DNAH5: variants seen among roughly 807,000 people sequenced by gnomAD.
The protein encoded by DNAH5 is axonemal beta dynein heavy chain 5.
A neutral mutation model predicts 518.2 loss-of-function variants in DNAH5; 372 were observed. The observed-to-expected ratio is 0.72, with a 90% CI of 0.66 to 0.78. The LOEUF (loss-of-function observed/expected upper bound fraction) is 0.78, where lower values mean the gene tolerates loss of function less well. Among genes scored for constraint, DNAH5 ranks in the 30% least tolerant of loss-of-function variants. DNAH5 has a pLI of 0.00. For synonymous variants in DNAH5, 2,039 were observed against 2,025.9 expected (o/e 1.01, Z -0.17); for missense variants, 5,523 against 5,687.0 (o/e 0.97, Z 0.93).
chr5:13,719,927 G>A (rs1744819310), intron 71 of DNAH5, among the ~76,000 whole-genome samples: 2 of 152,068 alleles, frequency 1.3e-5, no homozygotes, highest in Non-Finnish European at 1.5e-5. Flanking sequence ...GAAGGTCTTC[G>A]TGTAATGCAA....
Position 13,874,840 on chromosome 5 carries a change from TTG to T in DNAH5, c.3396+1842_3396+1843del, listed in dbSNP as rs368154580. ...CCTCAGCTCATCCTTTTAAGCCAGG[TTG>T]TGTTAGAAGTTGATGACCAACCTAT... On this transcript the variant is annotated intron_variant, in intron 22 of 78. Coordinates refer to ENST00000265104, the MANE Select transcript of DNAH5 (RefSeq NM_001369.3). Among the ~76,000 whole-genome samples the T allele has an allele frequency of 1.7e-3, 263 of 152,212 alleles. 3 individuals carry two copies. Among genetic ancestry groups the T allele is most frequent in the South Asian group, 4.6e-3 (22 of 4,824 alleles).
intron 72 of DNAH5, among the ~76,000 whole-genome samples, chr5:13,718,593 A>G (rs1461304404): frequency 6.6e-6 from 1 of 152,152 alleles, no homozygotes; most frequent in Non-Finnish European, 1.5e-5. Context: ...TAAAGACCAT[A>G]AATGACAAAA....
chr5:13,845,011 A>T lies in DNAH5; in HGVS notation c.5115-18T>A. ...CCAAGTACCTACAAGGAGAGGAAAAACATAAACCTTTATAACCACACAAAG... is the reference window on the plus strand; with the variant it reads ...CCAAGTACCTACAAGGAGAGGAAAATCATAAACCTTTATAACCACACAAAG... On this transcript the variant is annotated intron_variant, in intron 31 of 78. Coordinates refer to ENST00000265104, the MANE Select transcript of DNAH5 (RefSeq NM_001369.3). 1 of 1,612,678 alleles carries T rather than the reference A, an allele frequency of 6.2e-7. No individual in the cohort carries two copies. The highest frequency in any genetic ancestry group is 8.5e-7 in the Non-Finnish European group (1 of 1,178,776).
chr5:13,801,751 T>C (rs951754463), intron 47 of DNAH5, among the ~76,000 whole-genome samples: 2 of 152,192 alleles, frequency 1.3e-5, no homozygotes, highest in African/African-American at 4.8e-5. Flanking sequence ...CAGGGAACTC[T>C]ATGGTACCCA....
Position 13,716,925 on chromosome 5 carries a change from C to T in DNAH5, c.12706-235G>A, listed in dbSNP as rs548129038. Among the ~76,000 whole-genome samples, 188 of 152,186 alleles carry T rather than the reference C, an allele frequency of 1.2e-3. 2 individuals are homozygous for T. The highest frequency in any genetic ancestry group is 4.2e-3 in the African/African-American group (176 of 41,526). On this transcript the variant is annotated intron_variant, in intron 73 of 78. Transcript: ENST00000265104. ...GATGCATTCGTATGTTTTCATACTT[C>T]AATATAAATAGAAAATAGTGTTTGC... is the stretch of plus-strand genomic sequence containing the variant.
chr5:13,705,237 G>A (rs1326755881), intron 76 of DNAH5, among the ~76,000 whole-genome samples: 2 of 152,008 alleles, frequency 1.3e-5, no homozygotes, highest in East Asian at 1.9e-4. Context: ...CTTGTGATCC[G>A]CCTGCCTTGG....
chr5:13,879,152 TAC>T (rs1771295948), intron 21 of DNAH5, among the ~76,000 whole-genome samples: 1 of 152,084 alleles, frequency 6.6e-6, no homozygotes, highest in African/African-American at 2.4e-5. Context: ...TCTTTTATAA[TAC>T]ACAGAAACCA....
chr5:13,792,242 T>G, intron 49 of DNAH5, 25 bp from the exon 50 acceptor site: 3 of 1,582,758 alleles, frequency 1.9e-6, no homozygotes, highest in Non-Finnish European at 1.7e-6. Context: ...ATTACAGCAT[T>G]TTGATTAGCC....
chr5:13,722,166 A>G (rs1254690188), intron 70 of DNAH5, among the ~76,000 whole-genome samples: 2 of 152,204 alleles, frequency 1.3e-5, no homozygotes, highest in Admixed American at 6.5e-5. Context: ...CCCCACTCCA[A>G]TTCCCGGAGA....
chr5:13,858,519 T>A (rs1299004911), intron 30 of DNAH5, among the ~76,000 whole-genome samples: 1 of 152,162 alleles, frequency 6.6e-6, no homozygotes, highest in Non-Finnish European at 1.5e-5. Context: ...TATTCCTATG[T>A]AACAAACCTG....
rs1472215759 is a variant in DNAH5 at position 13,753,340 on chromosome 5, G to T, written c.10765C>A (p.Gln3589Lys). Reference sequence around the variant, plus strand: ...GCCTTCGTGACAATAATTCCATTTTGAATGGACAAGTCATCATTTGGCAGA... The same window carrying T: ...GCCTTCGTGACAATAATTCCATTTTTAATGGACAAGTCATCATTTGGCAGA... The part of the protein sequence containing the change: ...QGLPNDDLSI[Q>K]NGIIVTKASR... The change falls in exon 63 of 79, where the codon CAA (glutamine) becomes AAA (lysine). Residue 3589 changes from glutamine (Q) to lysine (K), a missense_variant. Around this residue, in one of 3 missense-constraint regions of DNAH5, gnomAD observed 5,121 missense variants for 5,223.3 expected, o/e 0.98. Transcript: ENST00000265104. The T allele has an allele frequency of 1.9e-6, 3 of 1,613,642 alleles. No homozygotes were observed. Among genetic ancestry groups the T allele is most frequent in the Non-Finnish European group, 2.5e-6 (3 of 1,179,618 alleles).
intron 29 of DNAH5, chr5:13,860,295 T>C (rs902179268): frequency 6.6e-6 from 1 of 152,614 alleles, no homozygotes; most frequent in African/African-American, 2.4e-5. Flanking sequence ...ATTTCCCAGC[T>C]TCCCTTTGCA....
chr5:13,927,309 T>C (rs1180102042), intron 3 of DNAH5, among the ~76,000 whole-genome samples: 1 of 152,066 alleles, frequency 6.6e-6, no homozygotes, highest in African/African-American at 2.4e-5. Flanking sequence ...CTAGCCAACA[T>C]GCTGAAACCC....
In DNAH5 at chr5:13,754,899, G is replaced by T. The variant is rs576950465; in HGVS notation, c.10420-561C>A. Among the ~76,000 whole-genome samples, 7 of 151,956 alleles carry T rather than the reference G, an allele frequency of 4.6e-5. No homozygotes were observed. In the South Asian group the frequency reaches 6.2e-4, roughly 14 times the overall value. ...TCACACCTGTAATCTCAGTACTTTG[G>T]AAGGCTGCGAGGTGGGCGGATCACT... On this transcript the variant is annotated intron_variant, in intron 61 of 78. Transcript: ENST00000265104.
chr5:13,988,854 G>A (rs1172102221), intron 1 of DNAH5, among the ~76,000 whole-genome samples: 1 of 151,574 alleles, frequency 6.6e-6, no homozygotes, highest in African/African-American at 2.4e-5. Context: ...AGCCTCCCAA[G>A]TAGCTGGGAT....
chr5:13,754,544 A>G (rs532880914), intron 61 of DNAH5, among the ~76,000 whole-genome samples: 2 of 152,076 alleles, frequency 1.3e-5, no homozygotes, highest in South Asian at 4.2e-4. Context: ...TCCCCTGCCC[A>G]TGGAACTTGG....
At chr5:13,845,636 A>T (rs1420854794) in intron 31 of DNAH5, among the ~76,000 whole-genome samples, 1 of 151,952 alleles carries the variant, frequency 6.6e-6, no homozygotes, top group African/African-American at 2.4e-5. Flanking sequence ...GTCATTCCTG[A>T]TGTTATGGAT....
At chr5:13,916,579 A>G in intron 8 of DNAH5, 124 bp from the exon 9 acceptor site, 1 of 499,324 alleles carries the variant, frequency 2.0e-6, no homozygotes, top group South Asian at 2.3e-5. Context: ...TAAAAATACT[A>G]TTTAATGCTT....
intron 61 of DNAH5, among the ~76,000 whole-genome samples, chr5:13,757,851 T>G (rs1469983534): frequency 6.6e-6 from 1 of 152,196 alleles, no homozygotes; most frequent in African/African-American, 2.4e-5. Context: ...ATATTGAAAC[T>G]GAAATGTTTA....
Sources: gnomAD v4.1 joint callset for allele counts (sites outside exome capture counted in the v4.1 genomes callset) on GRCh38, gnomAD v4.1.1 for gene constraint, gnomAD v4.1.1 regional missense constraint, MANE v1.5 for transcripts, NCBI Gene and HGNC (gene_info 2026-07-23, HGNC 2026-07-21) for gene names.